The following DOCK4 variants were observed in gnomAD, a reference collection of about 807,000 sequenced individuals.
The protein encoded by DOCK4 is dedicator of cytokinesis protein 4.
Under a neutral mutation model 268.1 loss-of-function variants are expected in DOCK4, and 97 were observed. The observed-to-expected ratio is 0.36, with a 90% CI of 0.31 to 0.43. The LOEUF (loss-of-function observed/expected upper bound fraction) is 0.43, where lower values mean the gene tolerates loss of function less well. Among genes scored for constraint, DOCK4 ranks in the 20% least tolerant of loss-of-function variants. The probability of loss-of-function intolerance (pLI) is 1.00; values close to 1 mark genes in which losing one functional copy is unlikely to be tolerated. For missense variants in DOCK4, 2,145 were observed against 2,455.7 expected, an observed-to-expected ratio of 0.87 and a Z score of 2.67; for synonymous variants, 954 against 887.2, an observed-to-expected ratio of 1.08 and a Z score of -1.34.
chr7:111,969,066 C>G (rs1299369402), intron 8 of DOCK4, among the ~76,000 whole-genome samples: 1 of 85,764 alleles, frequency 1.2e-5, no homozygotes, highest in African/African-American at 5.2e-5. Context: ...GTGGTGGGGT[C>G]GGGGGAGGGG....
Position 111,863,246 on chromosome 7 carries a change from A to G in DOCK4, c.2473+126T>C. 5 of 977,518 alleles carry G rather than the reference A, an allele frequency of 5.1e-6. 1 individual carries two copies. The South Asian group carries it at 7.3e-5, about 14-fold the overall frequency. 60.6% of individuals were successfully genotyped at this position (977,518 alleles called of 1,614,324 possible). On this transcript the variant is annotated intron_variant, in intron 23 of 52. Transcript: ENST00000428084. ...ACTACTAAATACATTTACCATCCAA[A>G]TAAACAATGGTTTTGAGAAAATGCC... is the stretch of plus-strand genomic sequence containing the variant.
intron 1 of DOCK4, among the ~76,000 whole-genome samples, chr7:112,102,372 A>G (rs1455563384): frequency 2.6e-5 from 4 of 152,212 alleles, no homozygotes; most frequent in African/African-American, 9.7e-5. Context: ...GCCAAATGCC[A>G]GGGTTCAAAT....
intron 27 of DOCK4, among the ~76,000 whole-genome samples, chr7:111,817,657 T>C (rs2133943826): frequency 6.6e-6 from 1 of 152,336 alleles, no homozygotes; most frequent in South Asian, 2.1e-4. Context: ...TATCCCTGCT[T>C]GCCCAAGGAC....
intron 12 of DOCK4, among the ~76,000 whole-genome samples, chr7:111,924,100 TATG>T (rs1307056141): frequency 1.3e-5 from 2 of 152,212 alleles, no homozygotes; most frequent in Non-Finnish European, 2.9e-5. Context: ...TCCATTTTTT[TATG>T]ATGTTTTCTT....
chr7:112,101,353 T>C (rs1429510133), intron 1 of DOCK4, among the ~76,000 whole-genome samples: 5 of 152,250 alleles, frequency 3.3e-5, no homozygotes, highest in Non-Finnish European at 7.3e-5. Flanking sequence ...GTCTACTTCA[T>C]AGCTCTCGTC....
At chr7:111,852,845 CT>C (rs965046050) in intron 23 of DOCK4, among the ~76,000 whole-genome samples, 4 of 152,156 alleles carry the variant, frequency 2.6e-5, no homozygotes, top group African/African-American at 9.7e-5. Context: ...TAATTCTTAC[CT>C]TTAAAAGAAA....
intron 10 of DOCK4, among the ~76,000 whole-genome samples, chr7:111,941,004 A>G (rs1184842554): frequency 6.6e-6 from 1 of 152,176 alleles, no homozygotes; most frequent in Non-Finnish European, 1.5e-5. Context: ...TCTGAGCAAA[A>G]TTCTCCTATA....
At chr7:111,884,911 G>A (rs1807708443) in intron 16 of DOCK4, among the ~76,000 whole-genome samples, 1 of 152,206 alleles carries the variant, frequency 6.6e-6, no homozygotes, top group Non-Finnish European at 1.5e-5. Flanking sequence ...GTTGCCTAGA[G>A]TTTAAGCCAA....
intron 1 of DOCK4, among the ~76,000 whole-genome samples, chr7:112,189,932 C>A (rs1819799594): frequency 6.6e-6 from 1 of 151,942 alleles, no homozygotes; most frequent in African/African-American, 2.4e-5. Flanking sequence ...CAAACAGAAC[C>A]ACAATGTATG....
At chr7:111,907,698 G>C (rs559323798) in intron 13 of DOCK4, among the ~76,000 whole-genome samples, 1 of 152,166 alleles carries the variant, frequency 6.6e-6, no homozygotes, top group South Asian at 2.1e-4. Context: ...GGTAAGCTTT[G>C]GTTAGGTTTA....
intron 1 of DOCK4, among the ~76,000 whole-genome samples, chr7:112,128,877 T>TC (rs1343569440): frequency 6.6e-6 from 1 of 151,288 alleles, no homozygotes; most frequent in Non-Finnish European, 1.5e-5. Flanking sequence ...CCCTGCCAAA[T>TC]CCCCCTCTGC....
chr7:111,756,243 G>T (rs971253327), intron 41 of DOCK4, among the ~76,000 whole-genome samples: 1 of 152,166 alleles, frequency 6.6e-6, no homozygotes, highest in Non-Finnish European at 1.5e-5. Context: ...CAGCTACTTG[G>T]GAGGCTGAGG....
intron 12 of DOCK4, among the ~76,000 whole-genome samples, chr7:111,918,508 A>G (rs771552235): frequency 3.9e-5 from 6 of 152,208 alleles, no homozygotes; most frequent in Non-Finnish European, 8.8e-5. Context: ...TGGACACTTT[A>G]TGTGATACTA....
At chr7:111,890,546 T>C (rs1479253630) in intron 16 of DOCK4, among the ~76,000 whole-genome samples, 1 of 152,218 alleles carries the variant, frequency 6.6e-6, no homozygotes, top group Non-Finnish European at 1.5e-5. Flanking sequence ...TTTCAGAGTT[T>C]ATTTACATTG....
At chr7:111,907,722 T>C (rs551726854) in intron 13 of DOCK4, among the ~76,000 whole-genome samples, 4 of 152,224 alleles carry the variant, frequency 2.6e-5, no homozygotes, top group South Asian at 2.1e-4. Flanking sequence ...TATATATAGA[T>C]ACATTATATA....
chr7:111,810,477 T>C (rs1238215529), intron 28 of DOCK4, among the ~76,000 whole-genome samples: 1 of 150,440 alleles, frequency 6.6e-6, no homozygotes, highest in Non-Finnish European at 1.5e-5. Context: ...AAAAAAAAAG[T>C]CAAGAATAGA....
chr7:111,888,254 T>C (rs532800032), intron 16 of DOCK4, among the ~76,000 whole-genome samples: 9 of 147,538 alleles, frequency 6.1e-5, no homozygotes, highest in African/African-American at 2.2e-4. Flanking sequence ...TAATTTCTTC[T>C]AGGGCTGGGG....
chr7:112,083,360 G>C (rs2135726270), intron 1 of DOCK4, among the ~76,000 whole-genome samples: 1 of 152,072 alleles, frequency 6.6e-6, no homozygotes, highest in East Asian at 1.9e-4. Context: ...GTTGTTCTGT[G>C]AGTTGGTTAT....
chr7:112,140,602 C>CAAA (rs35430125), intron 1 of DOCK4, among the ~76,000 whole-genome samples: 1 of 108,378 alleles, frequency 9.2e-6, no homozygotes, highest in African/African-American at 4.0e-5. Context: ...TGCTCCCCGA[C>CAAA]AAAAAAAAAA....
Sources: gnomAD v4.1 joint callset for allele counts (sites outside exome capture counted in the v4.1 genomes callset) on GRCh38, gnomAD v4.1.1 for gene constraint, MANE v1.5 for transcripts, NCBI Gene and HGNC (gene_info 2026-07-23, HGNC 2026-07-21) for gene names.